MAP3K5: variants seen among roughly 807,000 people sequenced by gnomAD.
MAP3K5 encodes the protein ASK-1.
A neutral mutation model predicts 158.7 loss-of-function variants in MAP3K5; 56 were observed. The observed-to-expected ratio is 0.35, with a 90% CI of 0.28 to 0.44. The LOEUF (loss-of-function observed/expected upper bound fraction) is 0.44. Ranked by LOEUF, MAP3K5 falls within the 20% of genes least tolerant of loss-of-function variation. The pLI, the probability that MAP3K5 is intolerant of heterozygous loss-of-function variation, is 1.00. For synonymous variants in MAP3K5, 579 were observed against 601.7 expected, an observed-to-expected ratio of 0.96 and a Z score of 0.55; for missense variants, 1,294 against 1,674.8, an observed-to-expected ratio of 0.77 and a Z score of 3.97.
In MAP3K5 at chr6:136,739,924, T is replaced by C. The variant is rs777926486; in HGVS notation, c.449-19335A>G. 7.7e-4 allele frequency among the ~76,000 whole-genome samples: 117 copies of C among 152,272 alleles called. 2 individuals are homozygous for C. Among genetic ancestry groups the C allele is most frequent in the Middle Eastern group, 6.8e-3 (2 of 294 alleles). On this transcript the variant is annotated intron_variant, in intron 1 of 29. Transcript: ENST00000359015. ...CCTGCACCATTAGCTGTCCCTTCCA[T>C]GGGCAGTGGCAGCAGGGGCCTGTAG... is the stretch of plus-strand genomic sequence containing the variant.
intron 7 of MAP3K5, among the ~76,000 whole-genome samples, chr6:136,693,816 C>T (rs1433101104): frequency 6.6e-6 from 1 of 152,020 alleles, no homozygotes; most frequent in Non-Finnish European, 1.5e-5. Flanking sequence ...AGGGCAAAAC[C>T]CGTCTCTCCT....
rs546514207 is a variant in MAP3K5, at chr6:136,791,637, G to T, written c.448+73C>A. ...GTAAATGCTTCCCGCCCAGAAAAAT[G>T]AAATGCCCCGAAGACCGCCAGATTA... On this transcript the variant is annotated intron_variant, in intron 1 of 29. Coordinates refer to ENST00000359015, the MANE Select transcript of MAP3K5 (RefSeq NM_005923.4). The T allele has an allele frequency of 2.0e-6, 3 of 1,517,688 alleles. No individual in the cohort carries two copies. The South Asian group carries it at 3.5e-5, about 17-fold the overall frequency. 94.0% of individuals were successfully genotyped at this position (1,517,688 alleles called of 1,614,324 possible). A position where few individuals can be genotyped will look rare whatever the true frequency, so the allele number is the denominator to read the frequency against.
chr6:136,613,166 C>T lies in MAP3K5; in HGVS notation c.2369G>A (p.Gly790Glu). The T allele has an allele frequency of 6.2e-7, 1 of 1,612,840 alleles. No individual in the cohort carries two copies. Among genetic ancestry groups the T allele is most frequent in the Non-Finnish European group, 8.5e-7 (1 of 1,179,462 alleles). The change falls in exon 17 of 30, where the codon GGA becomes GAA. Residue 790 changes from glycine to glutamate, a missense_variant. Coordinates refer to ENST00000359015, the MANE Select transcript of MAP3K5 (RefSeq NM_005923.4). This position sits in a 1 kb window ranked among gnomAD's most constrained non-coding sequence, Gnocchi z 4.0. ...CTGATTGTCATGGAGATATTTTAATCCTTCCAGTATTTGCTTTGTATAAAA... is the reference window on the plus strand; with the variant it reads ...CTGATTGTCATGGAGATATTTTAATTCTTCCAGTATTTGCTTTGTATAAAA... ...IGFYTKQILE[G>E]LKYLHDNQIV...
At chr6:136,573,672 G>A (rs1285720449) in intron 25 of MAP3K5, among the ~76,000 whole-genome samples, 1 of 152,134 alleles carries the variant, frequency 6.6e-6, no homozygotes, top group Non-Finnish European at 1.5e-5. Context: ...AGAGGGAAGT[G>A]TATTTGAAAG....
chr6:136,778,104 A>G (rs1784469560), intron 1 of MAP3K5, among the ~76,000 whole-genome samples: 1 of 152,238 alleles, frequency 6.6e-6, no homozygotes, highest in Admixed American at 6.5e-5. Flanking sequence ...AAGAGTCAGT[A>G]TAAACAAGTT....
At chr6:136,709,318 G>T (rs553043778) in intron 2 of MAP3K5, among the ~76,000 whole-genome samples, 2 of 152,234 alleles carry the variant, frequency 1.3e-5, no homozygotes, top group East Asian at 1.9e-4. Flanking sequence ...GTAAGATATG[G>T]CTCTGCTCCC....
At chr6:136,675,794 C>A (rs569437856) in intron 7 of MAP3K5, among the ~76,000 whole-genome samples, 1 of 151,688 alleles carries the variant, frequency 6.6e-6, no homozygotes, top group South Asian at 2.1e-4. Context: ...AGCAAACATG[C>A]AATAAAGAAA....
At chr6:136,780,352 A>G (rs540233058) in intron 1 of MAP3K5, among the ~76,000 whole-genome samples, 34 of 152,350 alleles carry the variant, frequency 2.2e-4, no homozygotes, top group Non-Finnish European at 3.7e-4. Context: ...ATTGCCTTAC[A>G]AAATATTAAC....
At chr6:136,633,579 G>A (rs1777480537) in intron 14 of MAP3K5, among the ~76,000 whole-genome samples, 1 of 152,110 alleles carries the variant, frequency 6.6e-6, no homozygotes, top group South Asian at 2.1e-4. Flanking sequence ...GGAGTTCTTA[G>A]TAGATCCAGC....
At chr6:136,775,654 A>G (rs1784376661) in intron 1 of MAP3K5, among the ~76,000 whole-genome samples, 1 of 152,228 alleles carries the variant, frequency 6.6e-6, no homozygotes, top group African/African-American at 2.4e-5. Flanking sequence ...TGCTTCATAC[A>G]TCCACTCCTG....
chr6:136,694,677 G>GT (rs1238354609), intron 6 of MAP3K5, among the ~76,000 whole-genome samples: 2 of 152,158 alleles, frequency 1.3e-5, no homozygotes, highest in African/African-American at 4.8e-5. Flanking sequence ...ATAAAGCCAA[G>GT]TAGGGACAAA....
At chr6:136,783,467 C>T (rs1013752452) in intron 1 of MAP3K5, among the ~76,000 whole-genome samples, 11 of 152,144 alleles carry the variant, frequency 7.2e-5, no homozygotes, top group African/African-American at 2.7e-4. Context: ...CTACCTATAT[C>T]CAAATTACAG....
Position 136,668,412 on chromosome 6 carries a change from A to T in MAP3K5, c.1366+871T>A, listed in dbSNP as rs1779321115. ...AAAAATTTTTCTTTTATTTTGAAGA[A>T]AAAGTTTCTTCTACAATTCATAGCT... On this transcript the variant is annotated intron_variant, in intron 8 of 29. Transcript: ENST00000359015. Among the ~76,000 whole-genome samples, 7 of 152,296 alleles carry T rather than the reference A, an allele frequency of 4.6e-5. No individual in the cohort carries two copies. The South Asian group carries it at 1.2e-3, about 27-fold the overall frequency.
chr6:136,758,055 C>G (rs1783585808), intron 1 of MAP3K5, among the ~76,000 whole-genome samples: 1 of 152,146 alleles, frequency 6.6e-6, no homozygotes, highest in South Asian at 2.1e-4. Context: ...TTAATACCAG[C>G]ACCCAATGCA....
intron 1 of MAP3K5, among the ~76,000 whole-genome samples, chr6:136,787,354 A>C (rs1784894510): frequency 1.3e-5 from 2 of 152,204 alleles, no homozygotes; most frequent in Admixed American, 1.3e-4. Context: ...CTCCCCACCA[A>C]CTCTGAGCTC....
At chr6:136,562,728 TG>T in intron 26 of MAP3K5, 113 bp from the exon 27 acceptor site, 1 of 538,102 alleles carries the variant, frequency 1.9e-6, no homozygotes, top group Non-Finnish European at 3.2e-6. Flanking sequence ...CTGAGTGTAG[TG>T]GCCCAATTAT....
intron 1 of MAP3K5, among the ~76,000 whole-genome samples, chr6:136,735,332 T>C (rs1016196435): frequency 1.3e-5 from 2 of 152,146 alleles, no homozygotes; most frequent in Admixed American, 1.3e-4. Context: ...AAATTAGATA[T>C]TAAAAGAGAC....
At chr6:136,572,104 A>G (rs1053864830) in intron 25 of MAP3K5, among the ~76,000 whole-genome samples, 4 of 152,238 alleles carry the variant, frequency 2.6e-5, no homozygotes, top group African/African-American at 7.2e-5. Flanking sequence ...ATGGAAGAGT[A>G]TTCCTACTAG....
intron 26 of MAP3K5, among the ~76,000 whole-genome samples, chr6:136,564,322 G>A (rs948553144): frequency 5.9e-5 from 9 of 152,136 alleles, no homozygotes; most frequent in Non-Finnish European, 1.2e-4. Context: ...TGGGACAAAA[G>A]TAAAACACAA....
Sources: allele counts gnomAD v4.1 joint callset (sites outside exome capture counted in the v4.1 genomes callset), GRCh38; gene constraint gnomAD v4.1.1; non-coding constraint Gnocchi (gnomAD v3.1); transcripts MANE v1.5; gene names NCBI Gene and HGNC (gene_info 2026-07-23, HGNC 2026-07-21).